The following PCDHGA3 variants were observed in gnomAD, a reference collection of about 807,000 sequenced individuals.
PCDHGA3 encodes protocadherin gamma subfamily A, 3.
Under a neutral mutation model 58.5 loss-of-function variants are expected in PCDHGA3, and 40 were observed. The ratio of observed to expected loss-of-function variants is 0.68; its 90% CI spans 0.53 to 0.89. The LOEUF is 0.89. PCDHGA3 is among the 40% of genes least tolerant of loss of function. The pLI is 0.00. For synonymous variants in PCDHGA3, 530 were observed against 525.7 expected, an observed-to-expected ratio of 1.01 and a Z score of -0.11; for missense variants, 1,223 against 1,195.9, an observed-to-expected ratio of 1.02 and a Z score of -0.33.
In PCDHGA3 at chr5:141,432,358, G is replaced by A. The variant is rs750696244; in HGVS notation, c.2425-62449G>A. ...TCCGAGACTTGCAAGTGAAAGTGAT[G>A]GCGCGGGACAACGGGCACCCGCCCC... On this transcript the variant is annotated intron_variant, in intron 1 of 3. Transcript: ENST00000253812. This position sits in a 1 kb window ranked among gnomAD's most constrained non-coding sequence, Gnocchi z 6.0. The A allele has an allele frequency of 6.2e-7, 1 of 1,614,122 alleles. No homozygotes were observed. The highest frequency in any genetic ancestry group is 8.5e-7 in the Non-Finnish European group (1 of 1,180,060).
rs1432960207 is a variant in PCDHGA3, at chr5:141,477,648, C to A, written c.2425-17159C>A. On this transcript the variant is annotated intron_variant, in intron 1 of 3. Coordinates refer to ENST00000253812, the MANE Select transcript of PCDHGA3 (RefSeq NM_018916.4). This position sits in a 1 kb window ranked among gnomAD's most constrained non-coding sequence, Gnocchi z 4.9. ...ACCGGGCTAGTGGGTCGCTATTTCA[C>A]AATAAATCGTGACAATGGCATAGTG... is the stretch of plus-strand genomic sequence containing the variant. 7 of 1,614,046 alleles carry A rather than the reference C, an allele frequency of 4.3e-6. No homozygotes were observed. Among genetic ancestry groups the A allele is most frequent in the Non-Finnish European group, 5.9e-6 (7 of 1,180,044 alleles).
chr5:141,351,009 A>G (rs759181434), intron 1 of PCDHGA3: 41 of 1,613,964 alleles, frequency 2.5e-5, no homozygotes, highest in African/African-American at 2.7e-5. Flanking sequence ...AGCCTCCAAG[A>G]AAACGTACCG....
intron 1 of PCDHGA3, chr5:141,399,349 C>T (rs1467940246): frequency 6.2e-7 from 1 of 1,613,932 alleles, no homozygotes; most frequent in East Asian, 2.2e-5. Context: ...AACCCTAGAC[C>T]GAGAGCAAAC....
At position 141,486,804 on chromosome 5, in the gene PCDHGA3, C is replaced by G. The variant is rs755001457; in HGVS notation, c.2425-8003C>G. On this transcript the variant is annotated intron_variant, in intron 1 of 3. Transcript: ENST00000253812. This position sits in a 1 kb window ranked among gnomAD's most constrained non-coding sequence, Gnocchi z 5.0. ...CAGGCCCGGGATCGGGGCAACCCAC[C>G]CCTTAGCAGCACTGTAACAGTTCGT... 2 of 1,614,232 alleles carry G rather than the reference C, an allele frequency of 1.2e-6. No homozygotes were observed. The highest frequency in any genetic ancestry group is 3.3e-5 in the Admixed American group (2 of 60,032).
intron 1 of PCDHGA3, among the ~76,000 whole-genome samples, chr5:141,460,758 C>T (rs1292050905): frequency 6.6e-6 from 1 of 150,582 alleles, no homozygotes; most frequent in African/African-American, 2.4e-5. Context: ...TGTACATATA[C>T]ATATTGCATA....
chr5:141,477,482 C>T lies in PCDHGA3; in HGVS notation c.2425-17325C>T, dbSNP rs1168724444. The T allele has an allele frequency of 6.2e-7, 1 of 1,614,118 alleles. No individual in the cohort carries two copies. Among genetic ancestry groups the T allele is most frequent in the Non-Finnish European group, 8.5e-7 (1 of 1,180,016 alleles). ...GTCCGACATCAATGACAACCCTCCA[C>T]AATCTTCTCAATCTTCCTACGACGT... is the stretch of plus-strand genomic sequence containing the variant. On this transcript the variant is annotated intron_variant, in intron 1 of 3. Coordinates refer to ENST00000253812, the MANE Select transcript of PCDHGA3 (RefSeq NM_018916.4). This position sits in a 1 kb window ranked among gnomAD's most constrained non-coding sequence, Gnocchi z 4.9.
intron 1 of PCDHGA3, chr5:141,364,922 C>G: frequency 1.2e-6 from 2 of 1,613,948 alleles, no homozygotes; most frequent in Non-Finnish European, 8.5e-7. Context: ...GGTGTTGGAA[C>G]AGCCCCTAGA....
At chr5:141,398,989 T>G (rs766277028) in intron 1 of PCDHGA3, 2 of 1,613,796 alleles carry the variant, frequency 1.2e-6, no homozygotes, top group Non-Finnish European at 1.7e-6. Flanking sequence ...CGGGCAAATC[T>G]TTAGTCTGAA....
At chr5:141,399,335 A>G in intron 1 of PCDHGA3, 3 of 1,613,978 alleles carry the variant, frequency 1.9e-6, no homozygotes, top group Non-Finnish European at 2.5e-6. Flanking sequence ...TTGGTAACAG[A>G]TGGAACCCTA....
At chr5:141,499,300 C>G (rs2154592463) in intron 2 of PCDHGA3, among the ~76,000 whole-genome samples, 1 of 152,292 alleles carries the variant, frequency 6.6e-6, no homozygotes, top group South Asian at 2.1e-4. Context: ...ACTACCATCC[C>G]TCCTCTGAGA....
chr5:141,359,031 G>A (rs1460907999), intron 1 of PCDHGA3, among the ~76,000 whole-genome samples: 1 of 152,244 alleles, frequency 6.6e-6, no homozygotes, highest in Non-Finnish European at 1.5e-5. Flanking sequence ...ACTGGAAGTT[G>A]TAGTGATAGA....
At chr5:141,408,271 T>A in intron 1 of PCDHGA3, 23 of 1,610,976 alleles carry the variant, frequency 1.4e-5, no homozygotes, top group Non-Finnish European at 1.9e-5. Context: ...TGCTGCTGCC[T>A]TTGTTCTACC....
intron 1 of PCDHGA3, chr5:141,399,214 G>A: frequency 6.2e-7 from 1 of 1,613,956 alleles, no homozygotes; most frequent in African/African-American, 1.3e-5. Context: ...AACACTAATT[G>A]CTTTGATCAA....
At chr5:141,429,925 A>G (rs1009987955) in intron 1 of PCDHGA3, among the ~76,000 whole-genome samples, 5 of 152,244 alleles carry the variant, frequency 3.3e-5, no homozygotes, top group African/African-American at 1.2e-4. Flanking sequence ...TATTAATAGA[A>G]TTCTGGAGTA....
intron 1 of PCDHGA3, among the ~76,000 whole-genome samples, chr5:141,445,961 G>C (rs944876169): frequency 6.6e-6 from 1 of 152,158 alleles, no homozygotes; most frequent in Non-Finnish European, 1.5e-5. Flanking sequence ...GCTATATGGA[G>C]AATTGATTTA....
chr5:141,374,718 T>A (rs1462422521), intron 1 of PCDHGA3: 6 of 1,609,996 alleles, frequency 3.7e-6, no homozygotes, highest in Non-Finnish European at 5.1e-6. Context: ...CGCCTGGTCC[T>A]TACTGCCATG....
chr5:141,366,376 T>C, intron 1 of PCDHGA3: 1 of 1,614,132 alleles, frequency 6.2e-7, no homozygotes, highest in Middle Eastern at 1.6e-4. Context: ...AGACCCCCAT[T>C]GACCCTGAGG....
chr5:141,477,211 C>G lies in PCDHGA3; in HGVS notation c.2425-17596C>G. 2 of 1,614,154 alleles carry G rather than the reference C, an allele frequency of 1.2e-6. No individual in the cohort carries two copies. Among genetic ancestry groups the G allele is most frequent in the Non-Finnish European group, 1.7e-6 (2 of 1,180,036 alleles). On this transcript the variant is annotated intron_variant, in intron 1 of 3. Transcript: ENST00000253812. The surrounding 1 kb of genome is among the most constrained non-coding windows in gnomAD (Gnocchi z 4.9). ...TGTACAGCCCAGTACCCGAGGATGC[C>G]CCTCTGGGGACTGTCATCGCTTTGC...
chr5:141,372,633 A>ACTT, intron 1 of PCDHGA3: 1 of 1,613,996 alleles, frequency 6.2e-7, no homozygotes, highest in Non-Finnish European at 8.5e-7. Context: ...CAGCGAAAGG[A>ACTT]CTTTGCCTTA....
Sources: gnomAD v4.1 joint callset for allele counts (sites outside exome capture counted in the v4.1 genomes callset) on GRCh38, gnomAD v4.1.1 for gene constraint, Gnocchi (gnomAD v3.1) non-coding constraint, MANE v1.5 for transcripts, NCBI Gene and HGNC (gene_info 2026-07-23, HGNC 2026-07-21) for gene names.